The following GET1 variants were observed in gnomAD, a reference collection of about 807,000 sequenced individuals.
GET1 encodes the protein guided entry of tail-anchored proteins factor 1.
In GET1, 20 loss-of-function variants were observed where a neutral mutation model predicts 22.6. That is an observed-to-expected ratio of 0.89 (90% confidence interval 0.62 to 1.29). GET1 has a LOEUF of 1.29. Among genes scored for constraint, GET1 ranks in the 50% most tolerant of loss-of-function variants. The pLI is 0.00. For missense variants in GET1, 209 were observed against 219.9 expected (o/e 0.95, Z 0.31); for synonymous variants, 92 against 83.8 (o/e 1.10, Z -0.53).
At position 39,418,927 on chromosome 21, in the gene GET1, T is replaced by C. The variant is rs143779519; in HGVS notation, c.*23+7990T>C. On this transcript the variant is annotated intron_variant, in intron 1 of 1. Coordinates refer to the GET1 transcript ENST00000478273. ...GTGTGTTTGCTGTGACCAGGGGATC[T>C]TGAAGTCTCTTCTGTTAGATTTCTC... 5.4e-3 allele frequency among the ~76,000 whole-genome samples: 815 copies of C among 152,334 alleles called. 9 individuals are homozygous for C. Among genetic ancestry groups the C allele is most frequent in the African/African-American group, 0.018 (763 of 41,584 alleles).
intron 1 of GET1, among the ~76,000 whole-genome samples, chr21:39,382,531 C>T (rs1034134202): frequency 3.3e-5 from 5 of 152,188 alleles, no homozygotes; most frequent in African/African-American, 1.2e-4. Flanking sequence ...TTGTGACTGG[C>T]TTCTTTTCAC....
At chr21:39,421,101 GT>G (rs200770360) in intron 1 of GET1, among the ~76,000 whole-genome samples, 5,549 of 125,324 alleles carry the variant, frequency 0.044, 233 homozygotes, top group African/African-American at 0.13. Context: ...TTAACAATTC[GT>G]TTTTTTTTTT....
chr21:39,416,800 A>C (rs944564762), intron 1 of GET1, among the ~76,000 whole-genome samples: 5 of 152,218 alleles, frequency 3.3e-5, no homozygotes, highest in Non-Finnish European at 5.9e-5. Context: ...ATTACTAAAC[A>C]GTGTAAGATT....
chr21:39,383,015 G>A (rs13049783), intron 1 of GET1, among the ~76,000 whole-genome samples: 93,231 of 151,144 alleles, frequency 0.62, 29,243 homozygotes, highest in East Asian at 0.8. Context: ...CAGTAGCGCA[G>A]TCTCGGCTCA....
intron 4 of GET1, among the ~76,000 whole-genome samples, chr21:39,395,427 T>C (rs916452050): frequency 3.3e-5 from 5 of 151,872 alleles, no homozygotes; most frequent in African/African-American, 1.2e-4. Flanking sequence ...TGCAGTGGTG[T>C]GATCTCTGCT....
downstream of GET1, chr21:39,410,748 A>G (rs2039952549): frequency 4.4e-6 from 2 of 452,988 alleles, no homozygotes; most frequent in African/African-American, 2.0e-5. Flanking sequence ...GCTGAAGCGC[A>G]TGACCACTAA....
chr21:39,403,250 G>T (rs1455260255), intron 4 of GET1, among the ~76,000 whole-genome samples: 1 of 152,138 alleles, frequency 6.6e-6, no homozygotes, highest in Non-Finnish European at 1.5e-5. Context: ...TCTTTTCTAT[G>T]TTATTCCACC....
At chr21:39,403,576 C>T (rs2038898861) in intron 4 of GET1, among the ~76,000 whole-genome samples, 1 of 151,030 alleles carries the variant, frequency 6.6e-6, no homozygotes. Context: ...CCCGCCTCGG[C>T]CTCCCAAAGT....
intron 1 of GET1, among the ~76,000 whole-genome samples, chr21:39,390,189 C>A (rs1261145636): frequency 1.3e-5 from 2 of 152,010 alleles, no homozygotes; most frequent in Non-Finnish European, 2.9e-5. Flanking sequence ...CTGGCCAAAC[C>A]CATGCTGGAG....
intron 3 of GET1, chr21:39,392,902 A>G (rs953654224): frequency 7.4e-6 from 3 of 402,912 alleles, no homozygotes; most frequent in African/African-American, 4.0e-5. Context: ...GCCAGTTCAC[A>G]TAGGAAGGCT....
chr21:39,413,120 C>T (rs2040402147), intron 1 of GET1, among the ~76,000 whole-genome samples: 1 of 152,186 alleles, frequency 6.6e-6, no homozygotes, highest in Non-Finnish European at 1.5e-5. Flanking sequence ...CAGCCACATT[C>T]AGTACACATC....
At position 39,391,932 on chromosome 21, in the gene GET1, C is replaced by A. The variant is rs2038325017; in HGVS notation, c.336+96C>A. ...TCCAGGGCTGGGAGTTCGGGCTGTT[C>A]CACCTTCAGCTGTCGTGTCGTGTGT... On this transcript the variant is annotated intron_variant, in intron 3 of 4. Transcript: ENST00000649170. The A allele has an allele frequency of 2.5e-6, 3 of 1,180,354 alleles. No homozygotes were observed. The South Asian group carries it at 3.7e-5, about 14-fold the overall frequency. 73.1% of individuals were successfully genotyped at this position (1,180,354 alleles called of 1,614,324 possible).
At chr21:39,384,094 T>G (rs1310163110) in intron 1 of GET1, among the ~76,000 whole-genome samples, 2 of 151,708 alleles carry the variant, frequency 1.3e-5, no homozygotes, top group African/African-American at 4.8e-5. Flanking sequence ...TGGTGTCTCA[T>G]TTTAGTTTTG....
chr21:39,424,985 C>G (rs1329166371), intron 1 of GET1, among the ~76,000 whole-genome samples: 1 of 152,178 alleles, frequency 6.6e-6, no homozygotes, highest in Non-Finnish European at 1.5e-5. Flanking sequence ...TGAGACAGAG[C>G]CCATTGTCTA....
intron 1 of GET1, chr21:39,411,741 T>C (rs765687091): frequency 9.0e-6 from 14 of 1,561,384 alleles, no homozygotes; most frequent in South Asian, 2.3e-5. Context: ...CTCTGTGTCA[T>C]GTAAATTTTT....
At chr21:39,396,780 C>T in intron 4 of GET1, 86 bp from the exon 5 acceptor site, 1 of 1,205,996 alleles carries the variant, frequency 8.3e-7, no homozygotes, top group Non-Finnish European at 1.2e-6. Flanking sequence ...TGGAAATACT[C>T]TCTTTGCTGT....
chr21:39,396,936 C>G lies in GET1; in HGVS notation c.522C>G (p.Ser174Arg), dbSNP rs2038695702. 1.2e-6 allele frequency: 2 copies of G among 1,614,048 alleles called. No individual in the cohort carries two copies. Among genetic ancestry groups the G allele is most frequent in the Middle Eastern group, 1.7e-4 (1 of 6,060 alleles). The part of the protein sequence containing the change: ...KVVAIVLHPF[S>R] Reference sequence around the variant, plus strand: ...TCGCTATTGTGCTTCATCCGTTCAGCTGAACAGGAGGATGGATACAGCCGC... The same window carrying G: ...TCGCTATTGTGCTTCATCCGTTCAGGTGAACAGGAGGATGGATACAGCCGC... The change falls in exon 5 of 5, where the codon AGC becomes AGG. Residue 174 changes from serine (S) to arginine (R), a missense_variant. Physicochemically the swap from Ser to Arg is moderately radical, Grantham distance 110. Transcript: ENST00000649170.
chr21:39,403,379 T>C (rs2038888191), intron 4 of GET1, among the ~76,000 whole-genome samples: 1 of 152,198 alleles, frequency 6.6e-6, no homozygotes, highest in East Asian at 1.9e-4. Flanking sequence ...CAGGCTGGAG[T>C]GCAGTGGTGC....
exon 2 of GET1, chr21:39,428,471 T>C (rs1256164510): frequency 6.2e-7 from 1 of 1,606,742 alleles, no homozygotes; most frequent in African/African-American, 1.3e-5. Context: ...TATATTTGTT[T>C]TTGTTAGATC....
Sources: gnomAD v4.1 joint callset for allele counts (sites outside exome capture counted in the v4.1 genomes callset) on GRCh38, gnomAD v4.1.1 for gene constraint, MANE v1.5 for transcripts, NCBI Gene and HGNC (gene_info 2026-07-23, HGNC 2026-07-21) for gene names.